Variants in CHN2 observed in about 807,000 individuals in gnomAD.
The protein encoded by CHN2 is chimerin 2, also known as beta-chimaerin.
Under a neutral mutation model 56.3 loss-of-function variants are expected in CHN2, and 35 were observed. The ratio of observed to expected loss-of-function variants is 0.62; its 90% CI spans 0.47 to 0.82. The LOEUF is 0.82. Ranked by LOEUF, CHN2 falls within the 40% of genes least tolerant of loss-of-function variation. The pLI is 0.00. For missense variants in CHN2, 491 were observed against 580.5 expected (o/e 0.85, Z 1.58); for synonymous variants, 210 against 212.8 (o/e 0.99, Z 0.12).
At chr7:29,292,467 A>G (rs566034887) in intron 1 of CHN2, among the ~76,000 whole-genome samples, 2 of 152,222 alleles carry the variant, frequency 1.3e-5, no homozygotes, top group Non-Finnish European at 2.9e-5. Flanking sequence ...ATATTTTTCT[A>G]CACTACTTCT....
At chr7:29,239,695 T>A (rs1301199104) in intron 1 of CHN2, among the ~76,000 whole-genome samples, 1 of 152,192 alleles carries the variant, frequency 6.6e-6, no homozygotes, top group Non-Finnish European at 1.5e-5. Flanking sequence ...TTCCTCCAGA[T>A]CACATATCCT....
intron 7 of CHN2, among the ~76,000 whole-genome samples, chr7:29,484,625 T>C (rs1215075216): frequency 6.6e-6 from 1 of 152,214 alleles, no homozygotes; most frequent in Non-Finnish European, 1.5e-5. Context: ...GGGCCCATAC[T>C]AATCCAGTAT....
At chr7:29,383,029 C>T (rs909775559) in intron 3 of CHN2, among the ~76,000 whole-genome samples, 3 of 152,098 alleles carry the variant, frequency 2.0e-5, no homozygotes, top group African/African-American at 7.2e-5. Flanking sequence ...AGGGAAGATC[C>T]TAGATGCTAT....
chr7:29,220,794 CAT>C (rs1162407740), intron 1 of CHN2, among the ~76,000 whole-genome samples: 25 of 152,204 alleles, frequency 1.6e-4, no homozygotes, highest in Admixed American at 1.3e-3. Context: ...TTTCTTAAAT[CAT>C]GTGTGAAATC....
At chr7:29,463,483 C>T (rs1785324437) in intron 6 of CHN2, among the ~76,000 whole-genome samples, 1 of 152,152 alleles carries the variant, frequency 6.6e-6, no homozygotes, top group African/African-American at 2.4e-5. Context: ...TGTGCTTTTA[C>T]CAGAGCGCAA....
chr7:29,148,137 G>A (rs1194772056), intron 2 of CHN2, among the ~76,000 whole-genome samples: 1 of 152,178 alleles, frequency 6.6e-6, no homozygotes, highest in Non-Finnish European at 1.5e-5. Context: ...ACTGCTGCTG[G>A]CGTGCAGACC....
At chr7:29,288,679 A>G (rs1455589712) in intron 1 of CHN2, among the ~76,000 whole-genome samples, 1 of 152,228 alleles carries the variant, frequency 6.6e-6, no homozygotes, top group Non-Finnish European at 1.5e-5. Flanking sequence ...ACAATAAGGA[A>G]CCAGAATTGA....
chr7:29,479,772 C>A (rs926162765), intron 6 of CHN2: 1 of 1,190,510 alleles, frequency 8.4e-7, no homozygotes, highest in Non-Finnish European at 1.1e-6. Context: ...CAATGTGCTG[C>A]GGCAGGAGAA....
intron 3 of CHN2, among the ~76,000 whole-genome samples, chr7:29,382,263 C>T (rs1283470751): frequency 6.6e-6 from 1 of 152,310 alleles, no homozygotes; most frequent in South Asian, 2.1e-4. Context: ...GGCAGAGCAT[C>T]TGGGTGGCTT....
At chr7:29,273,321 T>C (rs1222420644) in intron 1 of CHN2, among the ~76,000 whole-genome samples, 1 of 107,936 alleles carries the variant, frequency 9.3e-6, no homozygotes, top group African/African-American at 3.6e-5. Flanking sequence ...TAATATTCCA[T>C]CATGCATATA....
At chr7:29,207,378 G>A (rs1784596797) in intron 1 of CHN2, among the ~76,000 whole-genome samples, 1 of 152,008 alleles carries the variant, frequency 6.6e-6, no homozygotes, top group South Asian at 2.1e-4. Context: ...TTCTCAGATA[G>A]TTCCATAGAG....
intron 6 of CHN2, among the ~76,000 whole-genome samples, chr7:29,462,813 G>A (rs749451213): frequency 4.6e-5 from 7 of 151,598 alleles, no homozygotes; most frequent in Admixed American, 1.3e-4. Context: ...TGTGCACAAC[G>A]TGCAGGTTTG....
intron 1 of CHN2, among the ~76,000 whole-genome samples, chr7:29,277,367 C>T (rs1014841356): frequency 6.6e-6 from 1 of 152,182 alleles, no homozygotes; most frequent in African/African-American, 2.4e-5. Flanking sequence ...GTTTGGCAGG[C>T]TGATGTCAAG....
At chr7:29,506,773 C>T (rs1057299564) in intron 10 of CHN2, among the ~76,000 whole-genome samples, 1 of 152,128 alleles carries the variant, frequency 6.6e-6, no homozygotes, top group African/African-American at 2.4e-5. Flanking sequence ...CTTCAGTGAG[C>T]CTGAAAGAAA....
Position 29,321,570 on chromosome 7 carries a change from C to CTT in CHN2, c.50-33039_50-33038dup, listed in dbSNP as rs59651474. On this transcript the variant is annotated intron_variant, in intron 1 of 12. Transcript: ENST00000222792. ...TTTTCTTTTCTTTCTTTCTTTCTTT[C>CTT]TTTTTTTTTTTTTTTTTGAGATGGA... Among the ~76,000 whole-genome samples the CTT allele has an allele frequency of 4.0e-3, 513 of 128,178 alleles. 8 individuals are homozygous for CTT. Among genetic ancestry groups the CTT allele is most frequent in the East Asian group, 0.031 (137 of 4,482 alleles). The allele number at this position is 128,178 out of a possible 152,430, so 84.1% of individuals were successfully genotyped here. A position where few individuals can be genotyped will look rare whatever the true frequency, so the allele number is the denominator to read the frequency against.
chr7:29,320,373 TCAGGTTGA>T (rs1795246576), intron 1 of CHN2, among the ~76,000 whole-genome samples: 1 of 152,110 alleles, frequency 6.6e-6, no homozygotes, highest in Non-Finnish European at 1.5e-5. Flanking sequence ...GGGGTGCTAA[TCAGGTTGA>T]CAGAGCCCTG....
At chr7:29,444,777 T>C (rs1163576590) in intron 6 of CHN2, among the ~76,000 whole-genome samples, 1 of 152,262 alleles carries the variant, frequency 6.6e-6, no homozygotes, top group Non-Finnish European at 1.5e-5. Context: ...AGTAGCCATC[T>C]ATGCAGACAA....
At chr7:29,252,595 T>TGTTTTG (rs1562866616) in intron 1 of CHN2, among the ~76,000 whole-genome samples, 2 of 43,564 alleles carry the variant, frequency 4.6e-5, no homozygotes, top group Non-Finnish European at 8.0e-5. Context: ...TTTTTTTTTT[T>TGTTTTG]TTTTTTTTTT....
intron 1 of CHN2, among the ~76,000 whole-genome samples, chr7:29,346,573 C>G (rs1797456405): frequency 6.6e-6 from 1 of 152,222 alleles, no homozygotes; most frequent in South Asian, 2.1e-4. Context: ...AAACCCAGTC[C>G]TTCCCCTCTG....
Sources: allele counts gnomAD v4.1 joint callset (sites outside exome capture counted in the v4.1 genomes callset), GRCh38; gene constraint gnomAD v4.1.1; transcripts MANE v1.5; gene names NCBI Gene and HGNC (gene_info 2026-07-23, HGNC 2026-07-21).